CRTAC1: variants seen among roughly 807,000 people sequenced by gnomAD.
The protein encoded by CRTAC1 is cartilage acidic protein 1.
In CRTAC1, 37 loss-of-function variants were observed where a neutral mutation model predicts 67.8. That is an observed-to-expected ratio of 0.55 (90% CI 0.42 to 0.72). The LOEUF (loss-of-function observed/expected upper bound fraction) is 0.72, where lower values mean the gene tolerates loss of function less well. Among genes scored for constraint, CRTAC1 ranks in the 30% least tolerant of loss-of-function variants. The pLI is 0.00. For missense variants in CRTAC1, 780 were observed against 931.6 expected (o/e 0.84, Z 2.12); for synonymous variants, 348 against 371.0 (o/e 0.94, Z 0.71).
chr10:97,888,394 C>G (rs1272891003), intron 11 of CRTAC1, among the ~76,000 whole-genome samples: 2 of 152,122 alleles, frequency 1.3e-5, no homozygotes, highest in Non-Finnish European at 2.9e-5. Context: ...GGCCAAGGTA[C>G]AGCAGCGTGA....
chr10:97,927,587 C>A (rs59481522), intron 3 of CRTAC1, among the ~76,000 whole-genome samples: 3,887 of 152,276 alleles, frequency 0.026, 156 homozygotes, highest in African/African-American at 0.087. Flanking sequence ...GGCCTCTCCC[C>A]CTCTTCAGCC....
intron 2 of CRTAC1, among the ~76,000 whole-genome samples, chr10:98,002,289 C>T (rs561682023): frequency 1.3e-5 from 2 of 152,186 alleles, no homozygotes; most frequent in East Asian, 3.9e-4. Context: ...TTTTGAATGG[C>T]TTTAAATATA....
rs112779718 is a variant in CRTAC1 at position 97,989,178 on chromosome 10, C to A, written c.224+21960G>T. Among the ~76,000 whole-genome samples the A allele has an allele frequency of 3.3e-5, 5 of 152,268 alleles. 1 individual carries two copies. The highest frequency in any genetic ancestry group is 9.6e-5 in the African/African-American group (4 of 41,536). On this transcript the variant is annotated intron_variant, in intron 2 of 14. Coordinates refer to ENST00000370597, the MANE Select transcript of CRTAC1 (RefSeq NM_018058.7). Reference sequence around the variant, plus strand: ...GAATCACACTGCAGGCTTTTCTGAACCTTTTGCTTGCAGACGGCAGATCAT... The same window carrying A: ...GAATCACACTGCAGGCTTTTCTGAAACTTTTGCTTGCAGACGGCAGATCAT...
chr10:97,966,734 T>C (rs897067274), intron 2 of CRTAC1, among the ~76,000 whole-genome samples: 17 of 152,190 alleles, frequency 1.1e-4, no homozygotes, highest in African/African-American at 3.6e-4. Flanking sequence ...TCACTTTCCT[T>C]GGTCTTGATG....
chr10:97,895,234 C>T lies in CRTAC1; in HGVS notation c.1486+11G>A, dbSNP rs777205162. On this transcript the variant is annotated intron_variant, in intron 11 of 14. Coordinates refer to ENST00000370597, the MANE Select transcript of CRTAC1 (RefSeq NM_018058.7). This position sits in a 1 kb window ranked among gnomAD's most constrained non-coding sequence, Gnocchi z 4.2. ...TAACAGCTCACTGTCCCCCACCGGA[C>T]CCCGACTCACCCAGGCCAAAGTGTG... 2 of 1,607,318 alleles carry T rather than the reference C, an allele frequency of 1.2e-6. No individual in the cohort carries two copies. Among genetic ancestry groups the T allele is most frequent in the South Asian group, 1.1e-5 (1 of 91,002 alleles).
chr10:97,948,950 G>A (rs1282237548), intron 2 of CRTAC1, among the ~76,000 whole-genome samples: 1 of 152,128 alleles, frequency 6.6e-6, no homozygotes, highest in Admixed American at 6.5e-5. Flanking sequence ...GAACTCACTC[G>A]CTATCATAAA....
At chr10:98,023,602 T>C (rs933452123) in intron 1 of CRTAC1, among the ~76,000 whole-genome samples, 3 of 152,186 alleles carry the variant, frequency 2.0e-5, no homozygotes, top group South Asian at 2.1e-4. Flanking sequence ...TGCATGATGA[T>C]GATTTCTAAG....
In CRTAC1 at chr10:98,028,202, A is replaced by G. The variant is rs191003604; in HGVS notation, c.24+2247T>C. Among the ~76,000 whole-genome samples, 252 of 152,336 alleles carry G rather than the reference A, an allele frequency of 1.7e-3. 1 individual carries two copies. Among genetic ancestry groups the G allele is most frequent in the African/African-American group, 5.8e-3 (240 of 41,580 alleles). On this transcript the variant is annotated intron_variant, in intron 1 of 14. Coordinates refer to ENST00000370597, the MANE Select transcript of CRTAC1 (RefSeq NM_018058.7). ...CCTGCCCCATAGCACCCGAGGTCAC[A>G]GGACCACCTGAAGCCCAGGAAGCAT...
chr10:97,878,965 G>A (rs984579487), intron 14 of CRTAC1, among the ~76,000 whole-genome samples: 1 of 152,144 alleles, frequency 6.6e-6, no homozygotes, highest in African/African-American at 2.4e-5. Context: ...ACCACTGCTG[G>A]TGCCTGAGGG....
At chr10:97,896,219 G>A (rs952880185) in intron 9 of CRTAC1, among the ~76,000 whole-genome samples, 6 of 152,052 alleles carry the variant, frequency 3.9e-5, no homozygotes, top group African/African-American at 1.5e-4. Flanking sequence ...GCATGGAGAG[G>A]GTGTGTGCAA....
chr10:97,879,745 G>C (rs956124487), intron 14 of CRTAC1: 84 of 1,550,042 alleles, frequency 5.4e-5, no homozygotes, highest in Non-Finnish European at 7.1e-5. Context: ...GCCCGAGAGA[G>C]AGGCTCAGAG....
chr10:97,928,111 G>A (rs2050949542), intron 3 of CRTAC1, among the ~76,000 whole-genome samples: 1 of 152,154 alleles, frequency 6.6e-6, no homozygotes, highest in African/African-American at 2.4e-5. Context: ...AGGGCAGGGG[G>A]CCATGGAGCC....
Position 97,936,230 on chromosome 10 carries a change from C to G in CRTAC1, c.361G>C (p.Asp121His). The G allele has an allele frequency of 6.2e-7, 1 of 1,614,096 alleles. No homozygotes were observed. The highest frequency in any genetic ancestry group is 2.2e-5 in the East Asian group (1 of 44,884). The change falls in exon 3 of 15, where the codon GAC becomes CAC. Residue 121 changes from aspartate (D) to histidine (H), a missense_variant. Transcript: ENST00000370597. ...QGNAIGVTAC[D>H]IDGDGREEIY... ...TCCTCCCGGCCGTCCCCGTCGATGT[C>G]GCAGGCTGTGACCCCGATGGCGTTC... is the stretch of plus-strand genomic sequence containing the variant.
intron 1 of CRTAC1, among the ~76,000 whole-genome samples, chr10:98,017,477 G>T (rs997331626): frequency 6.6e-6 from 1 of 152,172 alleles, no homozygotes; most frequent in African/African-American, 2.4e-5. Flanking sequence ...CTTCATAAGG[G>T]CCAGAGATGG....
At chr10:97,961,740 T>C (rs561163325) in intron 2 of CRTAC1, among the ~76,000 whole-genome samples, 27 of 152,310 alleles carry the variant, frequency 1.8e-4, no homozygotes, top group African/African-American at 5.5e-4. Flanking sequence ...ACTTCCAAGG[T>C]TCCATTCATT....
At chr10:97,997,233 A>T (rs1842598138) in intron 2 of CRTAC1, among the ~76,000 whole-genome samples, 1 of 71,950 alleles carries the variant, frequency 1.4e-5, no homozygotes, top group Non-Finnish European at 3.1e-5. Context: ...CTTAAAGTAT[A>T]ATAATAATAA....
chr10:97,971,438 A>T (rs1019152521), intron 2 of CRTAC1, among the ~76,000 whole-genome samples: 2 of 152,238 alleles, frequency 1.3e-5, no homozygotes, highest in Non-Finnish European at 2.9e-5. Context: ...ACTTATAAGA[A>T]GTAGGTAGAG....
intron 2 of CRTAC1, among the ~76,000 whole-genome samples, chr10:98,002,141 G>T (rs1318572611): frequency 6.6e-6 from 1 of 152,158 alleles, no homozygotes; most frequent in Non-Finnish European, 1.5e-5. Flanking sequence ...AAAAAAATGG[G>T]AATAAGAGAG....
intron 2 of CRTAC1, among the ~76,000 whole-genome samples, chr10:97,991,083 C>T (rs978427719): frequency 3.1e-5 from 3 of 95,994 alleles, no homozygotes; most frequent in African/African-American, 8.6e-5. Context: ...TGGCAACATA[C>T]GAGAAACCAT....
Sources: gnomAD v4.1 joint callset for allele counts (sites outside exome capture counted in the v4.1 genomes callset) on GRCh38, gnomAD v4.1.1 for gene constraint, Gnocchi (gnomAD v3.1) non-coding constraint, MANE v1.5 for transcripts, NCBI Gene and HGNC (gene_info 2026-07-23, HGNC 2026-07-21) for gene names.